DENND4C: variants seen among roughly 807,000 people sequenced by gnomAD.
The protein encoded by DENND4C is DENN domain containing 4C.
A neutral mutation model predicts 203.0 loss-of-function variants in DENND4C; 108 were observed. That is an observed-to-expected ratio of 0.53 (90% CI 0.46 to 0.62). The LOEUF is 0.62. Among genes scored for constraint, DENND4C ranks in the 20% least tolerant of loss-of-function variants. The pLI, the probability that DENND4C is intolerant of heterozygous loss-of-function variation, is 0.00. For missense variants in DENND4C, 2,481 were observed against 2,301.2 expected, an observed-to-expected ratio of 1.08 and a Z score of -1.60; for synonymous variants, 871 against 792.4, an observed-to-expected ratio of 1.10 and a Z score of -1.67.
intron 1 of DENND4C, among the ~76,000 whole-genome samples, chr9:19,250,806 C>T (rs12001936): frequency 2.0e-3 from 309 of 152,344 alleles, no homozygotes; most frequent in African/African-American, 6.9e-3. Context: ...CCATGTCTCA[C>T]GTCCAGGTCA....
At chr9:19,251,444 C>A (rs754486701) in intron 1 of DENND4C, among the ~76,000 whole-genome samples, 12 of 152,214 alleles carry the variant, frequency 7.9e-5, no homozygotes, top group Non-Finnish European at 1.8e-4. Flanking sequence ...CTCTGACATA[C>A]CTTGGAGACA....
intron 30 of DENND4C, among the ~76,000 whole-genome samples, chr9:19,366,930 G>A (rs1827805454): frequency 2.0e-5 from 3 of 152,198 alleles, no homozygotes; most frequent in African/African-American, 4.8e-5. Flanking sequence ...CAGATTGGGA[G>A]GAGATATTTG....
chr9:19,310,036 C>A (rs898158803), intron 10 of DENND4C, among the ~76,000 whole-genome samples: 3 of 152,064 alleles, frequency 2.0e-5, no homozygotes, highest in African/African-American at 7.2e-5. Context: ...TCCTAAGTAT[C>A]TTTCAGTTTT....
At position 19,286,879 on chromosome 9, in the gene DENND4C, T is replaced by A; in HGVS notation, c.416T>A (p.Ile139Asn). Residue 139 changes from isoleucine to asparagine, a missense_variant, in exon 3 of 33, where the codon ATC becomes AAC. Transcript: ENST00000434457. ...VNNSSTTSQR[I>N]FITYRRAPPV... is the part of the protein sequence containing the mutation. ...AATAGTTCAACTACTTCACAAAGAA[T>A]CTTTATCACTTATCGAAGGGCTCCT... 8.1e-7 allele frequency: 1 copy of A among 1,232,122 alleles called. No individual in the cohort carries two copies. The highest frequency in any genetic ancestry group is 1.0e-6 in the Non-Finnish European group (1 of 987,960). The allele number at this position is 1,232,122 out of a possible 1,614,324, so 76.3% of individuals were successfully genotyped here. A position where few individuals can be genotyped will look rare whatever the true frequency, so the allele number is the denominator to read the frequency against.
At chr9:19,357,527 C>G (rs1588982358) in intron 27 of DENND4C, 1 of 218,910 alleles carries the variant, frequency 4.6e-6, no homozygotes, top group East Asian at 1.1e-4. Flanking sequence ...AAATATTATG[C>G]TAAGCTCTAA....
chr9:19,253,641 A>C, intron 1 of DENND4C, among the ~76,000 whole-genome samples: 1 of 152,218 alleles, frequency 6.6e-6, no homozygotes, highest in Non-Finnish European at 1.5e-5. Context: ...TTGGGTTACC[A>C]GGGAACATAC....
At chr9:19,286,391 G>T (rs569495118) in intron 2 of DENND4C, among the ~76,000 whole-genome samples, 40 of 152,154 alleles carry the variant, frequency 2.6e-4, no homozygotes, top group Middle Eastern at 3.4e-3. Context: ...ATTATGAAGC[G>T]AATTTTTATG....
intron 1 of DENND4C, among the ~76,000 whole-genome samples, chr9:19,268,802 C>G (rs1392534251): frequency 1.3e-5 from 2 of 152,080 alleles, no homozygotes; most frequent in East Asian, 3.9e-4. Context: ...AAGTGTGCTG[C>G]CAGACACATT....
In DENND4C at chr9:19,342,613, A is replaced by T; in HGVS notation, c.3005-20A>T. ...TATTGGCAAAAGTAGGAATGATAAC[A>T]TCCAAATATTTTTTTCCAGAGGTGT... On this transcript the variant is annotated intron_variant, in intron 21 of 32. Transcript: ENST00000434457. 1 of 1,577,548 alleles carries T rather than the reference A, an allele frequency of 6.3e-7. No homozygotes were observed.
intron 12 of DENND4C, among the ~76,000 whole-genome samples, chr9:19,318,455 A>G (rs187308826): frequency 2.0e-4 from 31 of 152,372 alleles, no homozygotes; most frequent in Admixed American, 1.6e-3. Flanking sequence ...CAAGTACTTT[A>G]AAATATTCAT....
chr9:19,357,077 T>G lies in DENND4C; in HGVS notation c.4887T>G (p.Pro1629=). The change falls in exon 27 of 33, where the codon CCT becomes CCG. Residue 1629 remains proline (P), a synonymous_variant. Transcript: ENST00000434457. ...AACCTGTATCCAGTTTAGCAGAACC[T>G]GACTTGATCAACTTTATGGACTTCC... is the stretch of plus-strand genomic sequence containing the variant. The part of the protein sequence containing the change: ...EHKPVSSLAE[P]DLINFMDFPK... 1.9e-6 allele frequency: 3 copies of G among 1,613,978 alleles called. No individual in the cohort carries two copies. Among genetic ancestry groups the G allele is most frequent in the African/African-American group, 1.3e-5 (1 of 75,034 alleles).
In DENND4C at chr9:19,357,132, A is replaced by G; in HGVS notation, c.4942A>G (p.Thr1648Ala). The G allele has an allele frequency of 6.2e-7, 1 of 1,613,896 alleles. No homozygotes were observed. The highest frequency in any genetic ancestry group is 1.1e-5 in the South Asian group (1 of 91,074). ...PKHNQIITEE[T>A]GSAVEPSDEI... ...ACATAACCAGATCATAACTGAAGAA[A>G]CAGGCTCTGCAGTTGAACCAAGGTA... Residue 1648 changes from threonine to alanine, a missense_variant, in exon 27 of 33, where the codon ACA becomes GCA. Thr to Ala is a moderately conservative substitution (Grantham distance 58). Around this residue, in one of 3 missense-constraint regions of DENND4C, gnomAD observed 2,289 missense variants for 2,113.3 expected, o/e 1.08. Transcript: ENST00000434457.
intron 1 of DENND4C, among the ~76,000 whole-genome samples, chr9:19,238,443 C>T (rs1267075776): frequency 8.1e-5 from 11 of 135,384 alleles, no homozygotes; most frequent in African/African-American, 3.1e-4. Context: ...TAGGTTTTCT[C>T]TTTCCTTCCC....
At chr9:19,337,016 T>C (rs973383397) in intron 20 of DENND4C, among the ~76,000 whole-genome samples, 184 bp downstream of exon 20, 4 of 152,228 alleles carry the variant, frequency 2.6e-5, no homozygotes, top group African/African-American at 9.6e-5. Flanking sequence ...ACAAAATTAG[T>C]ATGGGAGTGC....
At chr9:19,332,313 T>C (rs1819398045) in intron 17 of DENND4C, 129 bp downstream of exon 17, 3 of 684,190 alleles carry the variant, frequency 4.4e-6, no homozygotes, top group Admixed American at 5.4e-5. Context: ...AAACTATTAC[T>C]GTTTCATGGA....
Position 19,341,105 on chromosome 9 carries a change from C to G in DENND4C, c.2995C>G (p.Gln999Glu), listed in dbSNP as rs755498648. The G allele has an allele frequency of 1.9e-6, 3 of 1,609,904 alleles. No individual in the cohort carries two copies. In the African/African-American group the frequency reaches 4.0e-5, roughly 22 times the overall value. ...ARELITKTKM[Q>E]TEEVCDASAI... is the part of the protein sequence containing the mutation. Reference sequence around the variant, plus strand: ...AGAATTGATAACTAAAACAAAAATGCAAACAGAAGGTTAAGTACTGATATT... The same window carrying G: ...AGAATTGATAACTAAAACAAAAATGGAAACAGAAGGTTAAGTACTGATATT... The change falls in exon 21 of 33, where the codon CAA becomes GAA. Residue 999 changes from glutamine (Q) to glutamate (E), a missense_variant. By Grantham distance (29) the Gln-to-Glu change is conservative. Transcript: ENST00000434457.
At chr9:19,276,136 A>G (rs1364867248) in intron 1 of DENND4C, 22 bp from the exon 2 acceptor site, 9 of 1,174,104 alleles carry the variant, frequency 7.7e-6, no homozygotes, top group Non-Finnish European at 1.1e-6. Context: ...TTTTATTGGT[A>G]TCTTTCCCCT....
At chr9:19,274,683 T>G (rs1832506012) in intron 1 of DENND4C, among the ~76,000 whole-genome samples, 1 of 152,250 alleles carries the variant, frequency 6.6e-6, no homozygotes, top group Non-Finnish European at 1.5e-5. Flanking sequence ...TATAAAAGAT[T>G]TAATGATTCC....
intron 7 of DENND4C, among the ~76,000 whole-genome samples, chr9:19,298,361 A>C (rs1837874486): frequency 6.6e-6 from 1 of 152,156 alleles, no homozygotes; most frequent in Non-Finnish European, 1.5e-5. Context: ...TGGCCCATGC[A>C]TGACCTTTAT....
Sources: gnomAD v4.1 joint callset for allele counts (sites outside exome capture counted in the v4.1 genomes callset) on GRCh38, gnomAD v4.1.1 for gene constraint, gnomAD v4.1.1 regional missense constraint, MANE v1.5 for transcripts, NCBI Gene and HGNC (gene_info 2026-07-23, HGNC 2026-07-21) for gene names.